The following DOCK5 variants were observed in gnomAD, a reference collection of about 807,000 sequenced individuals.
DOCK5 encodes the protein dedicator of cytokinesis 5, also known as dedicator of cytokinesis protein 5.
A neutral mutation model predicts 251.8 loss-of-function variants in DOCK5; 142 were observed. The ratio of observed to expected loss-of-function variants is 0.56; its 90% CI spans 0.49 to 0.65. DOCK5 has a LOEUF of 0.65. DOCK5 is among the 30% of genes least tolerant of loss of function. The probability of loss-of-function intolerance (pLI) is 0.00; values close to 1 mark genes in which losing one functional copy is unlikely to be tolerated. For missense variants in DOCK5, 2,111 were observed against 2,312.3 expected (o/e 0.91, Z 1.79); for synonymous variants, 842 against 835.5 (o/e 1.01, Z -0.13).
chr8:25,319,208 A>G (rs1272117817), intron 14 of DOCK5, among the ~76,000 whole-genome samples: 1 of 152,200 alleles, frequency 6.6e-6, no homozygotes, highest in Non-Finnish European at 1.5e-5. Flanking sequence ...CTTTTCTGCA[A>G]ATAGCGGCGC....
intron 13 of DOCK5, among the ~76,000 whole-genome samples, chr8:25,315,750 A>G (rs1805230379): frequency 1.3e-5 from 2 of 152,368 alleles, no homozygotes; most frequent in African/African-American, 4.8e-5. Flanking sequence ...CAGTTTCTCC[A>G]TTGACAAAGA....
At chr8:25,393,150 C>T (rs1174455955) in intron 44 of DOCK5, among the ~76,000 whole-genome samples, 1 of 152,130 alleles carries the variant, frequency 6.6e-6, no homozygotes, top group Non-Finnish European at 1.5e-5. Context: ...CTGCCAGCAC[C>T]CAGAAACATT....
chr8:25,306,635 A>G (rs1346138534), intron 11 of DOCK5, among the ~76,000 whole-genome samples: 2 of 152,050 alleles, frequency 1.3e-5, no homozygotes, highest in African/African-American at 4.8e-5. Flanking sequence ...TGGAGCTTGC[A>G]GTGAGCCAAG....
At chr8:25,267,045 G>C (rs73558502) in intron 2 of DOCK5, among the ~76,000 whole-genome samples, 6,967 of 152,120 alleles carry the variant, frequency 0.046, 518 homozygotes, top group African/African-American at 0.15. Context: ...CAGCCTGCCC[G>C]CCTCCCACTC....
At chr8:25,405,758 G>T (rs1252977795) in intron 48 of DOCK5, among the ~76,000 whole-genome samples, 5 of 152,002 alleles carry the variant, frequency 3.3e-5, no homozygotes, top group African/African-American at 1.2e-4. Context: ...AACATAAAAT[G>T]CCTTTCCATA....
intron 43 of DOCK5, among the ~76,000 whole-genome samples, chr8:25,392,391 C>G (rs1364293117): frequency 6.6e-6 from 1 of 152,102 alleles, no homozygotes; most frequent in African/African-American, 2.4e-5. Flanking sequence ...AACGATGGCA[C>G]CCCTGGGAAC....
intron 44 of DOCK5, among the ~76,000 whole-genome samples, chr8:25,395,113 G>A (rs1801323766): frequency 6.6e-6 from 1 of 152,160 alleles, no homozygotes; most frequent in Non-Finnish European, 1.5e-5. Context: ...CCTTCTAGAG[G>A]TAATGGGAGA....
intron 2 of DOCK5, among the ~76,000 whole-genome samples, chr8:25,246,206 C>A (rs914322665): frequency 5.3e-5 from 8 of 152,154 alleles, no homozygotes. Context: ...CTCCTGGCTC[C>A]ACAAGGCCAT....
intron 1 of DOCK5, among the ~76,000 whole-genome samples, chr8:25,215,793 CAG>C (rs1254647991): frequency 6.6e-6 from 1 of 151,716 alleles, no homozygotes; most frequent in African/African-American, 2.4e-5. Context: ...ACAATAATAA[CAG>C]AAAGTGATAG....
At chr8:25,354,028 A>C (rs567954373) in intron 27 of DOCK5, among the ~76,000 whole-genome samples, 1 of 13,660 alleles carries the variant, frequency 7.3e-5, no homozygotes, top group African/African-American at 1.1e-4. Flanking sequence ...ACTTTGTCTT[A>C]AAAAAAAAAA....
chr8:25,189,042 C>CTTTTT (rs1432735816), intron 1 of DOCK5, among the ~76,000 whole-genome samples: 17 of 97,634 alleles, frequency 1.7e-4, no homozygotes, highest in African/African-American at 3.1e-4. Context: ...TTCTTTCTTT[C>CTTTTT]TTTCTTTTTT....
intron 13 of DOCK5, among the ~76,000 whole-genome samples, chr8:25,314,156 G>A (rs939293868): frequency 6.3e-5 from 9 of 142,002 alleles, no homozygotes; most frequent in Non-Finnish European, 1.1e-4. Flanking sequence ...TGTAGCGCAG[G>A]CTGGAGTATA....
At chr8:25,197,750 A>ATT (rs71214555) in intron 1 of DOCK5, among the ~76,000 whole-genome samples, 1 of 95,762 alleles carries the variant, frequency 1.0e-5, no homozygotes. Flanking sequence ...TGCCAAGCTA[A>ATT]TTTTTTTTTT....
chr8:25,280,726 A>G (rs542657214), intron 5 of DOCK5, among the ~76,000 whole-genome samples: 1 of 152,228 alleles, frequency 6.6e-6, no homozygotes, highest in Non-Finnish European at 1.5e-5. Context: ...TGAAGAGAGA[A>G]TGCACATTAA....
At chr8:25,264,013 T>C (rs2117589179) in intron 2 of DOCK5, among the ~76,000 whole-genome samples, 1 of 151,998 alleles carries the variant, frequency 6.6e-6, no homozygotes, top group Admixed American at 6.5e-5. Flanking sequence ...AATTTGCCTT[T>C]ACTCCCCCAT....
intron 10 of DOCK5, 60 bp from the exon 11 acceptor site, chr8:25,304,195 T>C (rs1804840606): frequency 5.0e-6 from 7 of 1,399,762 alleles, no homozygotes; most frequent in Middle Eastern, 1.8e-4. Flanking sequence ...TCCTTTTCCA[T>C]AGTAACTTAC....
chr8:25,406,274 C>T (rs1376383331), intron 48 of DOCK5, among the ~76,000 whole-genome samples: 5 of 152,016 alleles, frequency 3.3e-5, no homozygotes, highest in African/African-American at 1.2e-4. Context: ...ATTTTTTATA[C>T]AAGTGGAAAA....
intron 39 of DOCK5, 75 bp downstream of exon 39, chr8:25,380,469 G>A: frequency 7.8e-7 from 1 of 1,288,958 alleles, no homozygotes; most frequent in East Asian, 2.5e-5. Context: ...GTTTCCGTAA[G>A]TTGAAAGTCA....
intron 9 of DOCK5, 125 bp from the exon 10 acceptor site, chr8:25,302,200 C>A (rs1488209449): frequency 2.3e-6 from 3 of 1,317,150 alleles, no homozygotes; most frequent in South Asian, 3.5e-5. Context: ...GAGAGTCGTT[C>A]TAATACTTCA....
Sources: gnomAD v4.1 joint callset for allele counts (sites outside exome capture counted in the v4.1 genomes callset) on GRCh38, gnomAD v4.1.1 for gene constraint, MANE v1.5 for transcripts, NCBI Gene and HGNC (gene_info 2026-07-23, HGNC 2026-07-21) for gene names.